The following CTNNA3 variants were observed in gnomAD, a reference collection of about 807,000 sequenced individuals.
The protein encoded by CTNNA3 is catenin alpha 3.
CTNNA3 carries 76 observed loss-of-function variants against 95.7 expected under a neutral mutation model. The observed-to-expected ratio is 0.79, with a 90% confidence interval of 0.66 to 0.96. CTNNA3 has a LOEUF of 0.96. Ranked by LOEUF, CTNNA3 falls within the 40% of genes least tolerant of loss-of-function variation. The pLI is 0.00. For missense variants in CTNNA3, 1,191 were observed against 1,089.8 expected, an observed-to-expected ratio of 1.09 and a Z score of -1.31; for synonymous variants, 431 against 374.4, an observed-to-expected ratio of 1.15 and a Z score of -1.74.
chr10:66,718,214 G>A (rs1848515382), intron 9 of CTNNA3, among the ~76,000 whole-genome samples: 1 of 150,516 alleles, frequency 6.6e-6, no homozygotes, highest in Admixed American at 6.7e-5. Context: ...CTTTCTCTCT[G>A]TCTCAATAAT....
intron 6 of CTNNA3, among the ~76,000 whole-genome samples, chr10:67,201,580 T>G (rs971893115): frequency 1.7e-4 from 26 of 152,232 alleles, no homozygotes; most frequent in African/African-American, 6.0e-4. Context: ...ATTATTCATT[T>G]AACTTCAAGT....
intron 13 of CTNNA3, among the ~76,000 whole-genome samples, chr10:66,232,234 T>C (rs2089624819): frequency 1.3e-5 from 2 of 152,174 alleles, no homozygotes; most frequent in Admixed American, 1.3e-4. Context: ...AATAAATTTA[T>C]GTTGTTTTAA....
intron 11 of CTNNA3, among the ~76,000 whole-genome samples, chr10:66,444,130 A>G (rs1032158332): frequency 1.3e-5 from 2 of 152,218 alleles, no homozygotes; most frequent in African/African-American, 4.8e-5. Flanking sequence ...GAGAAAAAAG[A>G]ATAAGAAGAA....
chr10:66,186,616 G>T (rs1185988904), intron 13 of CTNNA3, among the ~76,000 whole-genome samples: 1 of 151,984 alleles, frequency 6.6e-6, no homozygotes, highest in Admixed American at 6.6e-5. Context: ...ATAATTTAAA[G>T]AAATAAAATT....
At chr10:66,472,470 A>T (rs1839171705) in intron 11 of CTNNA3, among the ~76,000 whole-genome samples, 1 of 151,972 alleles carries the variant, frequency 6.6e-6, no homozygotes, top group Non-Finnish European at 1.5e-5. Context: ...AAATTTGGGG[A>T]CTGTGGCTGG....
intron 9 of CTNNA3, among the ~76,000 whole-genome samples, chr10:66,705,601 T>C (rs1347020169): frequency 6.6e-6 from 1 of 152,062 alleles, no homozygotes; most frequent in East Asian, 1.9e-4. Context: ...GTTCTATCAA[T>C]TATTGAGATT....
At chr10:66,983,521 A>G (rs780383518) in intron 7 of CTNNA3, among the ~76,000 whole-genome samples, 50 of 150,734 alleles carry the variant, frequency 3.3e-4, no homozygotes, top group Non-Finnish European at 4.9e-4. Context: ...CTTAATAGGT[A>G]GCCACTGCCA....
At chr10:66,755,138 T>C (rs905301849) in intron 9 of CTNNA3, among the ~76,000 whole-genome samples, 1 of 152,152 alleles carries the variant, frequency 6.6e-6, no homozygotes, top group Non-Finnish European at 1.5e-5. Context: ...TAAGCCGGAA[T>C]GAAGTACTGA....
chr10:67,647,177 T>TA (rs1564807136), intron 2 of CTNNA3, among the ~76,000 whole-genome samples: 62 of 142,488 alleles, frequency 4.4e-4, no homozygotes, highest in Non-Finnish European at 6.6e-4. Flanking sequence ...TATATATATA[T>TA]TATTACTGCT....
At chr10:66,404,213 C>G (rs2093040356) in intron 11 of CTNNA3, among the ~76,000 whole-genome samples, 2 of 152,220 alleles carry the variant, frequency 1.3e-5, no homozygotes, top group Middle Eastern at 6.8e-3. Context: ...ATTTTATCCT[C>G]AACCAATCAG....
chr10:67,090,391 C>A (rs894456479), intron 7 of CTNNA3, among the ~76,000 whole-genome samples: 1 of 151,998 alleles, frequency 6.6e-6, no homozygotes, highest in Non-Finnish European at 1.5e-5. Flanking sequence ...TTAATGTTCA[C>A]ACTAATGGAA....
chr10:66,476,871 G>C (rs1331538533), intron 11 of CTNNA3, among the ~76,000 whole-genome samples: 3 of 151,970 alleles, frequency 2.0e-5, no homozygotes, highest in Admixed American at 6.6e-5. Context: ...ATTGATATTT[G>C]TGTTTGGTGT....
At chr10:66,490,721 A>G (rs900105413) in intron 11 of CTNNA3, among the ~76,000 whole-genome samples, 9 of 152,280 alleles carry the variant, frequency 5.9e-5, no homozygotes, top group Admixed American at 5.9e-4. Flanking sequence ...AATTAAATGC[A>G]GCCAAAATAG....
At chr10:66,195,469 G>T (rs1230689469) in intron 13 of CTNNA3, among the ~76,000 whole-genome samples, 5 of 144,680 alleles carry the variant, frequency 3.5e-5, no homozygotes, top group Non-Finnish European at 6.0e-5. Context: ...TAATTCATTT[G>T]TATTGTTATG....
At chr10:66,342,451 G>T (rs10450294) in intron 12 of CTNNA3, among the ~76,000 whole-genome samples, 121,134 of 151,926 alleles carry the variant, frequency 0.8, 49,895 homozygotes, top group Non-Finnish European at 0.91. Flanking sequence ...TTTCTAGATG[G>T]TTTAAATTTA....
rs1372123239 is a variant in CTNNA3 at position 67,098,789 on chromosome 10, T to C, written c.1047+81528A>G. On this transcript the variant is annotated intron_variant, in intron 7 of 17. Coordinates refer to ENST00000433211, the MANE Select transcript of CTNNA3 (RefSeq NM_013266.4). The stretch of plus-strand genomic sequence containing the variant: ...AGGTGGGAGTATAGTGCATAATAAT[T>C]GTACAGTAGCAATTTTTATCCTAAT... 2.0e-5 allele frequency: 3 copies of C among 151,954 alleles called. No homozygotes were observed. In the East Asian group the frequency reaches 5.8e-4, roughly 29 times the overall value. 9.4% of individuals were successfully genotyped at this position (151,954 alleles called of 1,614,324 possible).
intron 7 of CTNNA3, among the ~76,000 whole-genome samples, chr10:66,988,220 A>G (rs1850844191): frequency 6.6e-6 from 1 of 152,182 alleles, no homozygotes; most frequent in Non-Finnish European, 1.5e-5. Flanking sequence ...TGATTTAAAA[A>G]TGATCCCCAA....
At chr10:67,243,523 C>T (rs528578491) in intron 5 of CTNNA3, among the ~76,000 whole-genome samples, 3 of 152,270 alleles carry the variant, frequency 2.0e-5, no homozygotes, top group South Asian at 4.1e-4. Flanking sequence ...CTGGTCATCA[C>T]TCCTCCAATG....
At chr10:66,103,323 C>A (rs1222528128) in intron 13 of CTNNA3, 74 bp from the exon 14 acceptor site, 1 of 1,132,564 alleles carries the variant, frequency 8.8e-7, no homozygotes, top group African/African-American at 1.5e-5. Flanking sequence ...CGCGGCAGTA[C>A]CTTAAAAGGG....
Sources: gnomAD v4.1 joint callset for allele counts (sites outside exome capture counted in the v4.1 genomes callset) on GRCh38, gnomAD v4.1.1 for gene constraint, MANE v1.5 for transcripts, NCBI Gene and HGNC (gene_info 2026-07-23, HGNC 2026-07-21) for gene names.